The following SYNDIG1 variants were observed in gnomAD, a reference collection of about 807,000 sequenced individuals.
SYNDIG1 encodes synapse differentiation-inducing gene protein 1.
SYNDIG1 carries 9 observed loss-of-function variants against 19.4 expected under a neutral mutation model. That is an observed-to-expected ratio of 0.46 (90% confidence interval 0.28 to 0.81). The LOEUF is 0.81. SYNDIG1 is among the 30% of genes least tolerant of loss of function. SYNDIG1 has a pLI of 0.12. For missense variants in SYNDIG1, 311 were observed against 343.3 expected, an observed-to-expected ratio of 0.91 and a Z score of 0.74; for synonymous variants, 141 against 145.9, an observed-to-expected ratio of 0.97 and a Z score of 0.24.
chr20:24,500,523 TTTCTTTC>T (rs1568588050), intron 1 of SYNDIG1, among the ~76,000 whole-genome samples: 20 of 135,388 alleles, frequency 1.5e-4, no homozygotes, highest in East Asian at 1.3e-3. Context: ...TCTTTCTTTC[TTTCTTTC>T]TTCTTTCTTT....
At chr20:24,661,458 AGTAGGAAGGAGGGAGGGAAGAG>A (rs2059591596) in intron 3 of SYNDIG1, among the ~76,000 whole-genome samples, 2 of 7,124 alleles carry the variant, frequency 2.8e-4, no homozygotes, top group African/African-American at 6.1e-4. Flanking sequence ...AGAGGGAGGA[AGTAGGAAGGAGGGAGGGAAGAG>A]GGAGGAAGAA....
chr20:24,540,532 A>G (rs940424212), intron 1 of SYNDIG1, among the ~76,000 whole-genome samples: 2 of 152,114 alleles, frequency 1.3e-5, no homozygotes, highest in Non-Finnish European at 2.9e-5. Flanking sequence ...TATTTTGTTG[A>G]GGTAATTTCT....
intron 1 of SYNDIG1, among the ~76,000 whole-genome samples, chr20:24,538,459 A>AAATGGAGCT (rs374530637): frequency 0.55 from 84,167 of 151,936 alleles, 23,822 homozygotes; most frequent in Middle Eastern, 0.69. Flanking sequence ...AGACTGAGCA[A>AAATGGAGCT]TACTCCATTG....
Position 24,517,316 on chromosome 20 carries a change from T to A in SYNDIG1, c.-78-25704T>A, listed in dbSNP as rs1010722360. Among the ~76,000 whole-genome samples, 815 of 148,678 alleles carry A rather than the reference T, an allele frequency of 5.5e-3. 21 individuals carry two copies. The highest frequency in any genetic ancestry group is 0.041 in the Admixed American group (614 of 14,832). On this transcript the variant is annotated intron_variant, in intron 1 of 3. Coordinates refer to ENST00000376862, the MANE Select transcript of SYNDIG1 (RefSeq NM_024893.3). ...AAAGTATAATAAAAAAAAAAATAAA[T>A]AAATAAATATATATATATGCCGGGT...
chr20:24,648,163 G>T (rs1192085498), intron 3 of SYNDIG1, among the ~76,000 whole-genome samples: 2 of 152,166 alleles, frequency 1.3e-5, no homozygotes, highest in African/African-American at 4.8e-5. Context: ...AAGTTGGGGG[G>T]TGGGGTGGTA....
chr20:24,531,032 A>T (rs2057248154), intron 1 of SYNDIG1, among the ~76,000 whole-genome samples: 1 of 151,126 alleles, frequency 6.6e-6, no homozygotes, highest in Non-Finnish European at 1.5e-5. Flanking sequence ...CTGGTCTTGA[A>T]CTCCTGAGCT....
intron 3 of SYNDIG1, among the ~76,000 whole-genome samples, chr20:24,632,979 T>C (rs2059267142): frequency 6.8e-6 from 1 of 147,062 alleles, no homozygotes; most frequent in South Asian, 2.2e-4. Context: ...TTTTGGTCAA[T>C]AAAGTTACCA....
At chr20:24,647,699 CA>C (rs2147356618) in intron 3 of SYNDIG1, among the ~76,000 whole-genome samples, 1 of 151,524 alleles carries the variant, frequency 6.6e-6, no homozygotes, top group East Asian at 1.9e-4. Context: ...ACCTGTTTTC[CA>C]AAGGAAAGTG....
chr20:24,506,486 T>C (rs974379248), intron 1 of SYNDIG1, among the ~76,000 whole-genome samples: 1 of 152,164 alleles, frequency 6.6e-6, no homozygotes, highest in Non-Finnish European at 1.5e-5. Flanking sequence ...TGGACAGTGC[T>C]TTGGGGATTG....
chr20:24,503,530 G>C (rs1442891127), intron 1 of SYNDIG1, among the ~76,000 whole-genome samples: 1 of 152,118 alleles, frequency 6.6e-6, no homozygotes, highest in Non-Finnish European at 1.5e-5. Context: ...GCTCTGATAC[G>C]GGATGCAGAG....
chr20:24,500,510 C>CTT (rs1236011868), intron 1 of SYNDIG1, among the ~76,000 whole-genome samples: 1 of 135,796 alleles, frequency 7.4e-6, no homozygotes, highest in African/African-American at 3.0e-5. Context: ...TTCTTTCTTT[C>CTT]TTTCTTTCTT....
intron 1 of SYNDIG1, among the ~76,000 whole-genome samples, chr20:24,520,470 C>T (rs988349593): frequency 9.9e-5 from 15 of 151,994 alleles, no homozygotes; most frequent in South Asian, 4.2e-4. Context: ...CTGAGGCAGG[C>T]GGATCACAAC....
chr20:24,650,979 G>A (rs995245835), intron 3 of SYNDIG1, among the ~76,000 whole-genome samples: 10 of 152,138 alleles, frequency 6.6e-5, no homozygotes, highest in African/African-American at 2.4e-4. Flanking sequence ...GGGATTACAG[G>A]TGCGCACCAC....
At chr20:24,588,944 G>T (rs758039615) in intron 3 of SYNDIG1, among the ~76,000 whole-genome samples, 5 of 132,880 alleles carry the variant, frequency 3.8e-5, no homozygotes, top group Non-Finnish European at 7.7e-5. Context: ...GAGGCATCTG[G>T]CTTGTCCCTG....
chr20:24,630,116 CA>C (rs2059217474), intron 3 of SYNDIG1, among the ~76,000 whole-genome samples: 1 of 152,144 alleles, frequency 6.6e-6, no homozygotes, highest in South Asian at 2.1e-4. Flanking sequence ...AAGAAAAAGA[CA>C]AAGACCTGAA....
chr20:24,620,548 C>A (rs1306524030), intron 3 of SYNDIG1, among the ~76,000 whole-genome samples: 1 of 152,218 alleles, frequency 6.6e-6, no homozygotes, highest in Non-Finnish European at 1.5e-5. Context: ...AAACGTCCTA[C>A]ATCAAGGTGG....
chr20:24,487,900 G>C (rs8125671), intron 1 of SYNDIG1, among the ~76,000 whole-genome samples: 3,672 of 152,218 alleles, frequency 0.024, 134 homozygotes, highest in African/African-American at 0.083. Context: ...TTCTGAGGTG[G>C]TACAGCCAGC....
At chr20:24,594,625 C>T (rs1347311010) in intron 3 of SYNDIG1, among the ~76,000 whole-genome samples, 1 of 152,134 alleles carries the variant, frequency 6.6e-6, no homozygotes, top group Admixed American at 6.5e-5. Context: ...GCAGTATGGC[C>T]ATTTTAACAA....
Position 24,530,844 on chromosome 20 carries a change from T to A in SYNDIG1, c.-78-12176T>A, listed in dbSNP as rs2057243392. Among the ~76,000 whole-genome samples, 3 of 151,902 alleles carry A rather than the reference T, an allele frequency of 2.0e-5. No homozygotes were observed. In the East Asian group the frequency reaches 5.8e-4, roughly 29 times the overall value. ...TTTTTTCGGAGACGGAGTCTTGTTC[T>A]GTCGCCCAGGCTGGAGAGCAGTGGT... On this transcript the variant is annotated intron_variant, in intron 1 of 3. Coordinates refer to ENST00000376862, the MANE Select transcript of SYNDIG1 (RefSeq NM_024893.3).
Sources: gnomAD v4.1 joint callset for allele counts (sites outside exome capture counted in the v4.1 genomes callset) on GRCh38, gnomAD v4.1.1 for gene constraint, MANE v1.5 for transcripts, NCBI Gene and HGNC (gene_info 2026-07-23, HGNC 2026-07-21) for gene names.